The following ASIC2 variants were observed in gnomAD, a reference collection of about 807,000 sequenced individuals.
ASIC2 encodes the protein acid sensing ion channel subunit 2, also known as acid-sensing ion channel 2.
ASIC2 carries 25 observed loss-of-function variants against 57.3 expected under a neutral mutation model. That is an observed-to-expected ratio of 0.44 (90% confidence interval 0.32 to 0.61). ASIC2 has a LOEUF of 0.61. ASIC2 is among the 20% of genes least tolerant of loss of function. ASIC2 has a pLI of 0.06. For missense variants in ASIC2, 641 were observed against 738.1 expected, an observed-to-expected ratio of 0.87 and a Z score of 1.52; for synonymous variants, 319 against 307.5, an observed-to-expected ratio of 1.04 and a Z score of -0.39.
intron 1 of ASIC2, among the ~76,000 whole-genome samples, chr17:33,139,442 C>G (rs1044879328): frequency 6.6e-6 from 1 of 152,120 alleles, no homozygotes; most frequent in Non-Finnish European, 1.5e-5. Context: ...AAATATGATC[C>G]CCTTTTTGCT....
At chr17:33,577,995 A>G (rs1373377681) in intron 1 of ASIC2, among the ~76,000 whole-genome samples, 2 of 151,524 alleles carry the variant, frequency 1.3e-5, no homozygotes, top group Non-Finnish European at 2.9e-5. Context: ...TGGGCTTCCA[A>G]TCTCCATTTA....
At chr17:33,493,414 G>T (rs1192516508) in intron 1 of ASIC2, among the ~76,000 whole-genome samples, 1 of 152,154 alleles carries the variant, frequency 6.6e-6, no homozygotes, top group African/African-American at 2.4e-5. Context: ...CCCCTGTCTT[G>T]GATAACTATA....
chr17:33,803,898 T>G (rs914101754), intron 1 of ASIC2, among the ~76,000 whole-genome samples: 1 of 152,156 alleles, frequency 6.6e-6, no homozygotes, highest in Non-Finnish European at 1.5e-5. Flanking sequence ...ATTGCCAGTG[T>G]GGGGTGGAAA....
At chr17:33,611,182 C>T (rs557736745) in intron 1 of ASIC2, among the ~76,000 whole-genome samples, 1 of 152,296 alleles carries the variant, frequency 6.6e-6, no homozygotes, top group South Asian at 2.1e-4. Flanking sequence ...CCTTCCCTTT[C>T]CCCCTCTCCT....
chr17:33,346,282 C>CTTTT, intron 1 of ASIC2, among the ~76,000 whole-genome samples: 1 of 135,962 alleles, frequency 7.4e-6, no homozygotes, highest in Admixed American at 7.3e-5. Flanking sequence ...AACATAAAGA[C>CTTTT]ACCTATGTAC....
intron 1 of ASIC2, among the ~76,000 whole-genome samples, chr17:34,127,764 A>T (rs1911831420): frequency 6.6e-6 from 1 of 152,182 alleles, no homozygotes; most frequent in African/African-American, 2.4e-5. Flanking sequence ...TGAACTCAAG[A>T]ATACAAGAAA....
At chr17:34,053,573 C>T (rs1908648642) in intron 1 of ASIC2, among the ~76,000 whole-genome samples, 2 of 152,158 alleles carry the variant, frequency 1.3e-5, no homozygotes, top group Non-Finnish European at 2.9e-5. Flanking sequence ...GTGCACTAAA[C>T]ATTTTTACAT....
chr17:34,057,882 C>T (rs1908827504), intron 1 of ASIC2, among the ~76,000 whole-genome samples: 1 of 151,764 alleles, frequency 6.6e-6, no homozygotes, highest in Non-Finnish European at 1.5e-5. Flanking sequence ...ATACTTTCCA[C>T]ATTTTCACAC....
chr17:33,093,781 C>T (rs551915223), intron 2 of ASIC2, among the ~76,000 whole-genome samples: 5 of 152,022 alleles, frequency 3.3e-5, no homozygotes, highest in African/African-American at 7.3e-5. Context: ...AAGTGCATCA[C>T]GATAAAAGAA....
intron 1 of ASIC2, among the ~76,000 whole-genome samples, chr17:33,478,365 A>C (rs193301157): frequency 6.6e-6 from 1 of 152,346 alleles, no homozygotes; most frequent in South Asian, 2.1e-4. Context: ...CTTCAATGTA[A>C]CATCAAACAC....
At chr17:34,111,156 G>A (rs1343270685) in intron 1 of ASIC2, among the ~76,000 whole-genome samples, 1 of 151,840 alleles carries the variant, frequency 6.6e-6, no homozygotes, top group Non-Finnish European at 1.5e-5. Flanking sequence ...AACCCAGGAG[G>A]CAGAAGTTGC....
rs77833796 is a variant in ASIC2 at position 34,130,667 on chromosome 17, C to T, written c.555+25311G>A. On this transcript the variant is annotated intron_variant, in intron 1 of 9. Transcript: ENST00000359872. Reference sequence around the variant, plus strand: ...ATTCCCTTCCATGATGCTTCTCACACCATAATGAATCTGTTAGGATGCGTT... The same window carrying T: ...ATTCCCTTCCATGATGCTTCTCACATCATAATGAATCTGTTAGGATGCGTT... Among the ~76,000 whole-genome samples the T allele has an allele frequency of 6.5e-3, 994 of 152,358 alleles. 14 individuals carry two copies. The highest frequency in any genetic ancestry group is 0.023 in the African/African-American group (951 of 41,590).
chr17:33,027,041 G>T (rs1215960838), intron 4 of ASIC2, among the ~76,000 whole-genome samples: 1 of 152,170 alleles, frequency 6.6e-6, no homozygotes, highest in Non-Finnish European at 1.5e-5. Flanking sequence ...CATTGGTCCA[G>T]AATCAAGGTG....
rs1272402351 is a variant in ASIC2 at position 33,131,664 on chromosome 17, C to G, written c.709-19597G>C. 7 of 152,298 alleles carry G rather than the reference C, an allele frequency of 4.6e-5. No homozygotes were observed. The East Asian group carries it at 1.3e-3, about 29-fold the overall frequency. The allele number at this position is 152,298 out of a possible 1,614,324, so 9.4% of individuals were successfully genotyped here. A position where few individuals can be genotyped will look rare whatever the true frequency, so the allele number is the denominator to read the frequency against. On this transcript the variant is annotated intron_variant, in intron 1 of 9. Transcript: ENST00000225823. ...GTGTGAGGACAGGTGCTTCATGCTC[C>G]TGGGAGTCCTGTGAGGCTGGAGGAG...
intron 1 of ASIC2, among the ~76,000 whole-genome samples, chr17:33,861,109 A>G (rs1914089903): frequency 6.6e-6 from 1 of 152,220 alleles, no homozygotes; most frequent in Non-Finnish European, 1.5e-5. Flanking sequence ...ATTAAATAGA[A>G]GGAAAAAACC....
intron 1 of ASIC2, among the ~76,000 whole-genome samples, chr17:33,525,442 T>C (rs1001465973): frequency 2.0e-5 from 3 of 152,176 alleles, no homozygotes; most frequent in Non-Finnish European, 4.4e-5. Flanking sequence ...TGTTCTGTGA[T>C]GAAGGACCCT....
intron 1 of ASIC2, among the ~76,000 whole-genome samples, chr17:33,813,291 G>T (rs146601377): frequency 6.6e-6 from 1 of 152,048 alleles, no homozygotes; most frequent in African/African-American, 2.4e-5. Flanking sequence ...CCACTCAGCC[G>T]CAAACTCAGT....
chr17:33,501,528 T>C (rs772909160), intron 1 of ASIC2, among the ~76,000 whole-genome samples: 43 of 152,222 alleles, frequency 2.8e-4, no homozygotes, highest in Non-Finnish European at 5.0e-4. Context: ...TTGAAACCTG[T>C]TAGTGCTAAG....
intron 1 of ASIC2, among the ~76,000 whole-genome samples, chr17:33,348,061 T>G (rs418626): frequency 6.6e-6 from 1 of 152,124 alleles, no homozygotes; most frequent in Non-Finnish European, 1.5e-5. Flanking sequence ...GAGATGGCAC[T>G]GCTGCACTCC....
Sources: allele counts gnomAD v4.1 joint callset (sites outside exome capture counted in the v4.1 genomes callset), GRCh38; gene constraint gnomAD v4.1.1; transcripts MANE v1.5; gene names NCBI Gene and HGNC (gene_info 2026-07-23, HGNC 2026-07-21).